LRGUK: variants seen among roughly 807,000 people sequenced by gnomAD.
LRGUK encodes the protein leucine-rich repeat and guanylate kinase domain-containing protein.
LRGUK carries 65 observed loss-of-function variants against 76.0 expected under a neutral mutation model. That is an observed-to-expected ratio of 0.85 (90% CI 0.70 to 1.05). The LOEUF is 1.05. Among genes scored for constraint, LRGUK ranks in the 50% least tolerant of loss-of-function variants. The pLI, the probability that LRGUK is intolerant of heterozygous loss-of-function variation, is 0.00. For synonymous variants in LRGUK, 268 were observed against 265.6 expected, an observed-to-expected ratio of 1.01 and a Z score of -0.09; for missense variants, 758 against 732.8, an observed-to-expected ratio of 1.03 and a Z score of -0.40.
chr7:134,143,058 G>A lies in LRGUK; in HGVS notation c.488-4G>A, dbSNP rs771063266. The A allele has an allele frequency of 5.3e-5, 81 of 1,514,154 alleles. 1 individual carries two copies. Among genetic ancestry groups the A allele is most frequent in the Middle Eastern group, 1.7e-4 (1 of 5,890 alleles). 93.8% of individuals were successfully genotyped at this position (1,514,154 alleles called of 1,614,324 possible). ...CCTTATTCTGTATCTGTTTCCCTCC[G>A]TAGATTTATCTTGTGTGAGTTGTAT... On this transcript the variant is annotated splice_polypyrimidine_tract_variant and splice_region_variant and intron_variant, in intron 3 of 15. Coordinates refer to ENST00000645682, the Ensembl canonical transcript of LRGUK.
chr7:134,241,860 A>G (rs1203431601), intron 16 of LRGUK, among the ~76,000 whole-genome samples: 1 of 152,268 alleles, frequency 6.6e-6, no homozygotes, highest in Non-Finnish European at 1.5e-5. Flanking sequence ...ACTGTCTCTC[A>G]GACAACAGTG....
At chr7:134,225,057 A>T (rs1254108893) in intron 16 of LRGUK, among the ~76,000 whole-genome samples, 1 of 149,932 alleles carries the variant, frequency 6.7e-6, no homozygotes. Flanking sequence ...CATCTCAAAA[A>T]GAAAAAAAAA....
downstream of LRGUK, among the ~76,000 whole-genome samples, chr7:134,210,472 A>G (rs776925164): frequency 6.6e-6 from 1 of 152,186 alleles, no homozygotes; most frequent in Non-Finnish European, 1.5e-5. Context: ...AACAAGGGCC[A>G]TCTTGTAAGA....
At chr7:134,239,260 A>T (rs1399337273) in intron 16 of LRGUK, among the ~76,000 whole-genome samples, 2 of 152,130 alleles carry the variant, frequency 1.3e-5, no homozygotes, top group African/African-American at 4.8e-5. Flanking sequence ...GCATCGCCTC[A>T]CCCGGGAAGC....
Position 134,158,162 on chromosome 7 carries a change from G to A in LRGUK, c.795+3G>A, listed in dbSNP as rs753996787. Reference sequence around the variant, plus strand: ...TACCAATCAAAATACTTTGTCTGGTGAGTCTAACAAAATGCTGTTCTTTAT... The same window carrying A: ...TACCAATCAAAATACTTTGTCTGGTAAGTCTAACAAAATGCTGTTCTTTAT... On this transcript the variant is annotated splice_donor_region_variant and intron_variant, in intron 6 of 15. Transcript: ENST00000645682. 15 of 1,610,996 alleles carry A rather than the reference G, an allele frequency of 9.3e-6. No homozygotes were observed. The highest frequency in any genetic ancestry group is 1.3e-5 in the Non-Finnish European group (15 of 1,178,020).
At chr7:134,145,891 A>G (rs927617756) in intron 4 of LRGUK, among the ~76,000 whole-genome samples, 19 of 152,204 alleles carry the variant, frequency 1.2e-4, no homozygotes, top group African/African-American at 4.6e-4. Context: ...TACTAGGTGA[A>G]AAATGTTAAT....
At chr7:134,129,490 T>C (rs1262978386) in intron 1 of LRGUK, among the ~76,000 whole-genome samples, 1 of 132,136 alleles carries the variant, frequency 7.6e-6, no homozygotes, top group Non-Finnish European at 1.6e-5. Flanking sequence ...CTTCTCTTTC[T>C]TTCACAGGGT....
chr7:134,216,956 G>A (rs534685938), intron 15 of LRGUK, among the ~76,000 whole-genome samples: 1 of 152,088 alleles, frequency 6.6e-6, no homozygotes, highest in Non-Finnish European at 1.5e-5. Flanking sequence ...ACAGTTATTT[G>A]AACATGTTAG....
downstream of LRGUK, among the ~76,000 whole-genome samples, chr7:134,266,369 AGC>A (rs1802856330): frequency 6.6e-6 from 1 of 152,266 alleles, no homozygotes; most frequent in African/African-American, 2.4e-5. Context: ...TGCTTCAACA[AGC>A]AATTAGGAAC....
intron 4 of LRGUK, among the ~76,000 whole-genome samples, chr7:134,144,169 G>A (rs1045466138): frequency 6.6e-6 from 1 of 152,156 alleles, no homozygotes; most frequent in Non-Finnish European, 1.5e-5. Context: ...AAGTGATCCT[G>A]TCGCCCAGGC....
intron 16 of LRGUK, among the ~76,000 whole-genome samples, chr7:134,223,264 T>C (rs1236055201): frequency 6.6e-6 from 1 of 152,168 alleles, no homozygotes; most frequent in African/African-American, 2.4e-5. Context: ...CCCGGCAACT[T>C]CCTTCCATCT....
chr7:134,155,026 C>T (rs1798395985), intron 5 of LRGUK, among the ~76,000 whole-genome samples: 1 of 152,188 alleles, frequency 6.6e-6, no homozygotes, highest in African/African-American at 2.4e-5. Flanking sequence ...TGGTTTTATT[C>T]TGCCATGATT....
chr7:134,274,079 T>C, the LRGUK span, among the ~76,000 whole-genome samples: 2 of 152,224 alleles, frequency 1.3e-5, no homozygotes, highest in Middle Eastern at 3.2e-3. Context: ...GATGGAAATA[T>C]GTAGAAATAT....
At chr7:134,201,425 C>T (rs2117091889) in intron 14 of LRGUK, 56 bp from the exon 15 acceptor site, 1 of 1,288,922 alleles carries the variant, frequency 7.8e-7, no homozygotes, top group Non-Finnish European at 1.1e-6. Flanking sequence ...GATAGTTGAA[C>T]ATCAACTGTA....
exon 1 of LRGUK, chr7:134,127,609 G>T (rs563421721): frequency 6.2e-7 from 1 of 1,614,180 alleles, no homozygotes; most frequent in East Asian, 2.2e-5. Context: ...GAGGACCAGG[G>T]CGAGGGCGAG....
intron 16 of LRGUK, among the ~76,000 whole-genome samples, chr7:134,235,093 G>A (rs975040783): frequency 1.3e-5 from 2 of 152,126 alleles, no homozygotes; most frequent in African/African-American, 4.8e-5. Context: ...TGCCCCTATA[G>A]GCTATTTGCA....
rs1404122691 is a variant in LRGUK, at chr7:134,225,138, A to AAC, written c.1983+3221_1983+3222insCA. ...GGAACAGAACTGGAAAAAAAAAAAA[A>AAC]AAAAAAAAAAACCCACTCTGTGCTC... On this transcript the variant is annotated intron_variant, in intron 16 of 19. Transcript: ENST00000285928. 6.0e-5 allele frequency among the ~76,000 whole-genome samples: 9 copies of AAC among 151,106 alleles called. No homozygotes were observed. The East Asian group carries it at 1.7e-3, about 29-fold the overall frequency.
chr7:134,239,196 T>C (rs1563196347), intron 16 of LRGUK, among the ~76,000 whole-genome samples: 1 of 152,132 alleles, frequency 6.6e-6, no homozygotes, highest in Non-Finnish European at 1.5e-5. Flanking sequence ...AGGTACCAGG[T>C]TCATCTTGCT....
intron 17 of LRGUK, among the ~76,000 whole-genome samples, chr7:134,247,972 G>A (rs1802350511): frequency 6.6e-6 from 1 of 152,028 alleles, no homozygotes; most frequent in Admixed American, 6.5e-5. Context: ...GATTGTTTCG[G>A]TTCTTTTTAT....
Sources: gnomAD v4.1 joint callset for allele counts (sites outside exome capture counted in the v4.1 genomes callset) on GRCh38, gnomAD v4.1.1 for gene constraint, MANE v1.5 for transcripts, NCBI Gene and HGNC (gene_info 2026-07-23, HGNC 2026-07-21) for gene names.